Variants in ASAP2 observed in about 807,000 individuals in gnomAD.
The protein encoded by ASAP2 is arf-GAP with SH3 domain, ANK repeat and PH domain-containing protein 2.
Under a neutral mutation model 131.4 loss-of-function variants are expected in ASAP2, and 45 were observed. The observed-to-expected ratio is 0.34, with a 90% CI of 0.27 to 0.44. The LOEUF (loss-of-function observed/expected upper bound fraction) is 0.44, where lower values mean the gene tolerates loss of function less well. Among genes scored for constraint, ASAP2 ranks in the 20% least tolerant of loss-of-function variants. The pLI is 1.00. For synonymous variants in ASAP2, 510 were observed against 503.0 expected (o/e 1.01, Z -0.19); for missense variants, 1,011 against 1,297.0 (o/e 0.78, Z 3.39).
At chr2:9,208,397 A>AT (rs199764191) in intron 1 of ASAP2, among the ~76,000 whole-genome samples, 54 of 126,184 alleles carry the variant, frequency 4.3e-4, no homozygotes, top group Admixed American at 1.4e-3. Flanking sequence ...CAATGGCGTT[A>AT]TTTTTTTTTT....
chr2:9,339,249 G>A (rs1009216541), intron 9 of ASAP2, among the ~76,000 whole-genome samples: 12 of 152,086 alleles, frequency 7.9e-5, no homozygotes, highest in Admixed American at 7.2e-4. Context: ...CTGGTGGAGA[G>A]GACAGCTTCT....
intron 1 of ASAP2, among the ~76,000 whole-genome samples, chr2:9,273,129 G>A (rs569152706): frequency 2.0e-5 from 3 of 152,254 alleles, no homozygotes; most frequent in South Asian, 2.1e-4. Flanking sequence ...TCTGTAAATC[G>A]TTCTGGGTAG....
At chr2:9,299,011 C>T (rs1481816387) in intron 3 of ASAP2, among the ~76,000 whole-genome samples, 1 of 152,026 alleles carries the variant, frequency 6.6e-6, no homozygotes. Context: ...GAGGAAATCT[C>T]TCAGAAAATA....
chr2:9,261,658 T>A (rs980047683), intron 1 of ASAP2, among the ~76,000 whole-genome samples: 5 of 152,138 alleles, frequency 3.3e-5, no homozygotes, highest in Non-Finnish European at 5.9e-5. Context: ...GCTTTGGAGG[T>A]TGCCCAGTGC....
chr2:9,389,315 CTT>C lies in ASAP2; in HGVS notation c.2383+771_2383+772del, dbSNP rs78100522. Among the ~76,000 whole-genome samples, 13,626 of 152,254 alleles carry C rather than the reference CTT, an allele frequency of 0.089. 625 individuals are homozygous for C. The highest frequency in any genetic ancestry group is 0.1 in the Non-Finnish European group (6,987 of 68,008). On this transcript the variant is annotated intron_variant, in intron 22 of 27. Transcript: ENST00000281419. This position sits in a 1 kb window ranked among gnomAD's most constrained non-coding sequence, Gnocchi z 4.7. ...TCCCACATGAAGGAGGCTGCTGAGA[CTT>C]TGATGCGGGGCGGGGGGCCCAGGAA... is the stretch of plus-strand genomic sequence containing the variant.
chr2:9,353,620 G>T (rs1672496369), intron 12 of ASAP2, among the ~76,000 whole-genome samples: 1 of 152,108 alleles, frequency 6.6e-6, no homozygotes. Flanking sequence ...GAGGCAGTGA[G>T]GGTGATATTT....
chr2:9,395,594 C>CTTT lies in ASAP2; in HGVS notation c.2684+1976_2684+1978dup. Among the ~76,000 whole-genome samples, 498 of 59,046 alleles carry CTTT rather than the reference C, an allele frequency of 8.4e-3. 94 individuals are homozygous for CTTT. The highest frequency in any genetic ancestry group is 0.042 in the Middle Eastern group (3 of 72). 38.7% of individuals were successfully genotyped at this position (59,046 alleles called of 152,430 possible). ...GTTTTGTTTTTCTTGTGTTTTTTTT[C>CTTT]TTTTTTTTTTTTTTTTTTTTTTTTT... On this transcript the variant is annotated intron_variant, in intron 24 of 27. Coordinates refer to ENST00000281419, the MANE Select transcript of ASAP2 (RefSeq NM_003887.3).
chr2:9,296,607 C>T (rs1668167920), intron 2 of ASAP2, among the ~76,000 whole-genome samples: 1 of 152,280 alleles, frequency 6.6e-6, no homozygotes, highest in Non-Finnish European at 1.5e-5. Flanking sequence ...ATGAATACAA[C>T]TTAGTCTGTC....
At position 9,403,295 on chromosome 2, in the gene ASAP2, C is replaced by T; in HGVS notation, c.2989C>T (p.Pro997Ser). ...AGATCCTGGTCGCAAAGGCGCATTC[C>T]CGGTGTCATTTGTGCACTTTATCGC... ...DGDPGRKGAF[P>S]VSFVHFIAD The change falls in exon 28 of 28, where the codon CCG becomes TCG. Residue 997 changes from proline (P) to serine (S), a missense_variant. By Grantham distance (74) the Pro-to-Ser change is moderately conservative. Coordinates refer to ENST00000281419, the MANE Select transcript of ASAP2 (RefSeq NM_003887.3). 6.2e-7 allele frequency: 1 copy of T among 1,614,144 alleles called. No individual in the cohort carries two copies. Among genetic ancestry groups the T allele is most frequent in the Non-Finnish European group, 8.5e-7 (1 of 1,180,022 alleles).
chr2:9,209,810 C>G (rs1315528266), intron 1 of ASAP2, among the ~76,000 whole-genome samples: 4 of 152,214 alleles, frequency 2.6e-5, no homozygotes, highest in African/African-American at 9.7e-5. Flanking sequence ...CTCAGGTGAT[C>G]CACCTGCCTC....
intron 25 of ASAP2, among the ~76,000 whole-genome samples, chr2:9,400,433 T>TCCTCCTC (rs1226637681): frequency 1.8e-5 from 2 of 109,912 alleles, no homozygotes; most frequent in South Asian, 4.0e-4. Flanking sequence ...CTCCCTGCCT[T>TCCTCCTC]CCTCCTCCCT....
At chr2:9,307,595 C>G (rs1220851376) in intron 3 of ASAP2, among the ~76,000 whole-genome samples, 1 of 152,190 alleles carries the variant, frequency 6.6e-6, no homozygotes, top group Non-Finnish European at 1.5e-5. Flanking sequence ...GGCTGACTGA[C>G]ATGTCCAAGC....
At chr2:9,267,498 A>G (rs1424291238) in intron 1 of ASAP2, among the ~76,000 whole-genome samples, 1 of 152,132 alleles carries the variant, frequency 6.6e-6, no homozygotes, top group Non-Finnish European at 1.5e-5. Flanking sequence ...TGGCTGCGTC[A>G]TATTCCATGG....
At chr2:9,225,681 G>A (rs771390212) in intron 1 of ASAP2, among the ~76,000 whole-genome samples, 10 of 152,158 alleles carry the variant, frequency 6.6e-5, no homozygotes, top group Non-Finnish European at 1.3e-4. Context: ...GGCATGGTTT[G>A]GGATCCTGGG....
At position 9,268,032 on chromosome 2, in the gene ASAP2, G is replaced by T. The variant is rs1160087116; in HGVS notation, c.127-11285G>T. ...CTGCCCTGACTGCAGCCCTCAGCTT[G>T]CCTCAGTTTGTAGTTTGCCAACAAG... is the stretch of plus-strand genomic sequence containing the variant. On this transcript the variant is annotated intron_variant, in intron 1 of 27. Transcript: ENST00000281419. This position sits in a 1 kb window ranked among gnomAD's most constrained non-coding sequence, Gnocchi z 4.1. Among the ~76,000 whole-genome samples the T allele has an allele frequency of 3.3e-5, 5 of 151,948 alleles. No individual in the cohort carries two copies. Among genetic ancestry groups the T allele is most frequent in the African/African-American group, 1.2e-4 (5 of 41,338 alleles).
At chr2:9,401,721 G>C (rs377305971) in intron 27 of ASAP2, among the ~76,000 whole-genome samples, 55 of 152,324 alleles carry the variant, frequency 3.6e-4, no homozygotes, top group Middle Eastern at 3.4e-3. Flanking sequence ...TAGTGGAATC[G>C]GGTGTCTGGA....
chr2:9,304,615 G>C (rs1668711663), intron 3 of ASAP2, among the ~76,000 whole-genome samples: 1 of 151,642 alleles, frequency 6.6e-6, no homozygotes, highest in Admixed American at 6.6e-5. Flanking sequence ...TTGGTGGAGA[G>C]GCTGGAGTAG....
intron 2 of ASAP2, among the ~76,000 whole-genome samples, chr2:9,293,608 G>C (rs1404943420): frequency 6.6e-6 from 1 of 152,176 alleles, no homozygotes. Context: ...CTGTTCTCTA[G>C]TAGGAAAATC....
At chr2:9,260,160 G>A (rs573383272) in intron 1 of ASAP2, among the ~76,000 whole-genome samples, 26 of 152,352 alleles carry the variant, frequency 1.7e-4, no homozygotes, top group African/African-American at 5.3e-4. Flanking sequence ...GTATTGAGTA[G>A]CTATTACTGC....
Sources: allele counts gnomAD v4.1 joint callset (sites outside exome capture counted in the v4.1 genomes callset), GRCh38; gene constraint gnomAD v4.1.1; non-coding constraint Gnocchi (gnomAD v3.1); transcripts MANE v1.5; gene names NCBI Gene and HGNC (gene_info 2026-07-23, HGNC 2026-07-21).